Variants in FAXDC2 observed in about 807,000 individuals in gnomAD.
FAXDC2 encodes the protein fatty acid hydroxylase domain-containing protein 2.
FAXDC2 carries 41 observed loss-of-function variants against 40.9 expected under a neutral mutation model. The ratio of observed to expected loss-of-function variants is 1.00; its 90% CI spans 0.78 to 1.30. The LOEUF is 1.30. FAXDC2 is among the 50% of genes most tolerant of loss of function. The pLI, the probability that FAXDC2 is intolerant of heterozygous loss-of-function variation, is 0.00. For missense variants in FAXDC2, 390 were observed against 408.8 expected, an observed-to-expected ratio of 0.95 and a Z score of 0.40; for synonymous variants, 157 against 149.3, an observed-to-expected ratio of 1.05 and a Z score of -0.38.
At chr5:154,849,841 G>C (rs756320920) in intron 1 of FAXDC2, among the ~76,000 whole-genome samples, 6 of 152,168 alleles carry the variant, frequency 3.9e-5, no homozygotes, top group Non-Finnish European at 5.9e-5. Context: ...ACACTTTACT[G>C]TATGCCCTTT....
intron 1 of FAXDC2, among the ~76,000 whole-genome samples, chr5:154,845,777 A>G (rs1212604075): frequency 6.6e-6 from 1 of 151,250 alleles, no homozygotes; most frequent in African/African-American, 2.4e-5. Flanking sequence ...TTTGGCTTCA[A>G]GTTGGACACC....
At chr5:154,848,138 C>CTGAAT (rs1218453101) in intron 1 of FAXDC2, among the ~76,000 whole-genome samples, 4 of 152,198 alleles carry the variant, frequency 2.6e-5, no homozygotes, top group Non-Finnish European at 5.9e-5. Context: ...CATGCCCGGC[C>CTGAAT]TACTGAATGT....
chr5:154,830,879 C>T lies in FAXDC2; in HGVS notation c.288G>A (p.Gly96=), dbSNP rs752566004. 3 of 1,613,928 alleles carry T rather than the reference C, an allele frequency of 1.9e-6. No individual in the cohort carries two copies. Among genetic ancestry groups the T allele is most frequent in the Non-Finnish European group, 2.5e-6 (3 of 1,179,936 alleles). Residue 96 remains glycine, a synonymous_variant, in exon 5 of 9, where the codon GGG becomes GGA. Coordinates refer to ENST00000326080, the MANE Select transcript of FAXDC2 (RefSeq NM_032385.5). ...VPCLFFWSFN[G]LLLVVDTTGK... ...CTGTTGTGTCAACCACCAATAGAAG[C>T]CCATTGAAGCTCCAGAAGAAGAGAC...
chr5:154,834,637 G>A lies in FAXDC2; in HGVS notation c.232C>T (p.Leu78Phe), dbSNP rs1760273379. Residue 78 changes from leucine (L) to phenylalanine (F), a missense_variant, in exon 4 of 9, where the codon CTC (leucine) becomes TTC (phenylalanine). By Grantham distance (22) the Leu-to-Phe change is conservative. Coordinates refer to ENST00000326080, the MANE Select transcript of FAXDC2 (RefSeq NM_032385.5). ...CTGGGAACCTCACCTATAAAGAAGA[G>A]GATCCACTCCTTCCCTTCAAATGTA... ...LTTFEGKEWI[L>F]FFIGAIQVPC... 4 of 1,612,942 alleles carry A rather than the reference G, an allele frequency of 2.5e-6. No homozygotes were observed. Among genetic ancestry groups the A allele is most frequent in the Non-Finnish European group, 3.4e-6 (4 of 1,179,006 alleles).
intron 5 of FAXDC2, among the ~76,000 whole-genome samples, chr5:154,827,421 T>TTGTGTGTGTGTGTGTGTGTG (rs10528622): frequency 2.2e-5 from 3 of 138,588 alleles, no homozygotes; most frequent in African/African-American, 5.4e-5. Flanking sequence ...TTCTGTTATT[T>TTGTGTGTGTGTGTGTGTGTG]TGTGTGTGTG....
At chr5:154,831,145 C>T in intron 4 of FAXDC2, 2 of 449,070 alleles carry the variant, frequency 4.5e-6, no homozygotes, top group Non-Finnish European at 8.1e-6. Context: ...ATAGGGACAA[C>T]CTTCAAGGTG....
rs116581111 is a variant in FAXDC2, at chr5:154,838,199, C to A, written c.1-21G>T. On this transcript the variant is annotated intron_variant, in intron 1 of 8. Transcript: ENST00000326080. ...TTCATCTGGAATGAGAAAGCACAGG[C>A]GAGCCGGGGAGTTATTTTCATAAAC... is the stretch of plus-strand genomic sequence containing the variant. 737 of 1,610,706 alleles carry A rather than the reference C, an allele frequency of 4.6e-4. 7 individuals carry two copies. The African/African-American group carries it at 8.5e-3, about 19-fold the overall frequency.
intron 1 of FAXDC2, 101 bp from the exon 2 acceptor site, chr5:154,838,279 T>TTA: frequency 9.3e-7 from 1 of 1,079,808 alleles, no homozygotes; most frequent in Non-Finnish European, 1.3e-6. Flanking sequence ...CAGTGATTTT[T>TTA]GAAAAAAAAA....
intron 1 of FAXDC2, among the ~76,000 whole-genome samples, chr5:154,839,381 A>G (rs1287358592): frequency 6.6e-6 from 1 of 151,664 alleles, no homozygotes; most frequent in Non-Finnish European, 1.5e-5. Context: ...AGTTGCCCAC[A>G]CCTGTAGTCC....
At chr5:154,827,356 T>G (rs1026430229) in intron 5 of FAXDC2, among the ~76,000 whole-genome samples, 1 of 149,786 alleles carries the variant, frequency 6.7e-6, no homozygotes, top group Non-Finnish European at 1.5e-5. Context: ...CAGACAGGAA[T>G]TGGAAACTAT....
intron 1 of FAXDC2, among the ~76,000 whole-genome samples, chr5:154,840,144 G>A (rs1760444693): frequency 6.6e-6 from 1 of 152,122 alleles, no homozygotes; most frequent in Non-Finnish European, 1.5e-5. Context: ...CATCTCTATG[G>A]ATGTTTTATT....
At chr5:154,839,215 A>G (rs1293231942) in intron 1 of FAXDC2, among the ~76,000 whole-genome samples, 1 of 151,252 alleles carries the variant, frequency 6.6e-6, no homozygotes, top group Admixed American at 6.6e-5. Context: ...TGTCCCAGCT[A>G]CTCAGGAGGC....
chr5:154,847,921 G>A (rs552233567), intron 1 of FAXDC2, among the ~76,000 whole-genome samples: 9 of 150,532 alleles, frequency 6.0e-5, no homozygotes, highest in Admixed American at 6.0e-4. Context: ...CTCACTGCAA[G>A]CTCCATCTCC....
At chr5:154,836,214 T>G (rs1003152488) in intron 2 of FAXDC2, 1 of 152,280 alleles carries the variant, frequency 6.6e-6, no homozygotes, top group Non-Finnish European at 1.5e-5. Context: ...TGACTTTTAA[T>G]AACCCCTCTC....
chr5:154,827,326 A>G (rs1429209533), intron 5 of FAXDC2, among the ~76,000 whole-genome samples: 1 of 151,534 alleles, frequency 6.6e-6, no homozygotes, highest in African/African-American at 2.4e-5. Flanking sequence ...AAAAACCAAC[A>G]AAACCCAAAT....
chr5:154,824,235 C>T, intron 5 of FAXDC2: 1 of 524,548 alleles, frequency 1.9e-6, no homozygotes, highest in Admixed American at 3.2e-5. Context: ...TCCATTTGGC[C>T]TCAATACTGC....
At chr5:154,832,835 A>G (rs578237343) in intron 4 of FAXDC2, among the ~76,000 whole-genome samples, 3 of 152,280 alleles carry the variant, frequency 2.0e-5, no homozygotes, top group Non-Finnish European at 2.9e-5. Context: ...CTCCATATAC[A>G]TAGGTAATCT....
chr5:154,828,141 ACCTGG>A (rs1157539547), intron 5 of FAXDC2, among the ~76,000 whole-genome samples: 5 of 150,894 alleles, frequency 3.3e-5, no homozygotes, highest in Non-Finnish European at 7.4e-5. Context: ...GAGCCACCAC[ACCTGG>A]CCTGTTTTAT....
intron 5 of FAXDC2, among the ~76,000 whole-genome samples, chr5:154,827,421 T>TGTGTGTG (rs1760066368): frequency 1.4e-5 from 2 of 138,590 alleles, no homozygotes; most frequent in Non-Finnish European, 3.1e-5. Context: ...TTCTGTTATT[T>TGTGTGTG]TGTGTGTGTG....
Sources: allele counts gnomAD v4.1 joint callset (sites outside exome capture counted in the v4.1 genomes callset), GRCh38; gene constraint gnomAD v4.1.1; transcripts MANE v1.5; gene names NCBI Gene and HGNC (gene_info 2026-07-23, HGNC 2026-07-21).